LRRK2: variants seen among roughly 807,000 people sequenced by gnomAD.
LRRK2 encodes the protein leucine-rich repeat serine/threonine-protein kinase 2.
LRRK2 carries 203 observed loss-of-function variants against 302.6 expected under a neutral mutation model. That is an observed-to-expected ratio of 0.67 (90% confidence interval 0.60 to 0.75). The LOEUF (loss-of-function observed/expected upper bound fraction) is 0.75. LRRK2 is among the 30% of genes least tolerant of loss of function. The probability of loss-of-function intolerance (pLI) is 0.00; values close to 1 mark genes in which losing one functional copy is unlikely to be tolerated. For synonymous variants in LRRK2, 1,066 were observed against 1,031.9 expected (o/e 1.03, Z -0.63); for missense variants, 2,830 against 2,951.0 (o/e 0.96, Z 0.95).
At chr12:40,239,475 A>C (rs1031852123) in intron 5 of LRRK2, among the ~76,000 whole-genome samples, 1 of 152,194 alleles carries the variant, frequency 6.6e-6, no homozygotes, top group African/African-American at 2.4e-5. Context: ...GGCTAGCATC[A>C]CTTTATCACC....
intron 13 of LRRK2, 50 bp from the exon 14 acceptor site, chr12:40,263,739 C>T: frequency 7.4e-7 from 1 of 1,356,554 alleles, no homozygotes; most frequent in Non-Finnish European, 1.1e-6. Context: ...CTGTTCAACT[C>T]AAATGTTTAT....
At chr12:40,250,546 G>A (rs1001384200) in intron 8 of LRRK2, among the ~76,000 whole-genome samples, 3 of 152,164 alleles carry the variant, frequency 2.0e-5, no homozygotes, top group African/African-American at 7.2e-5. Flanking sequence ...AGGATGTGCA[G>A]GTTTTTCACA....
intron 33 of LRRK2, among the ~76,000 whole-genome samples, 200 bp downstream of exon 33, chr12:40,315,500 A>T (rs1049843602): frequency 7.9e-5 from 12 of 152,054 alleles, no homozygotes; most frequent in Admixed American, 4.6e-4. Flanking sequence ...GTTCACTTCC[A>T]TGACTTGGTT....
At chr12:40,327,022 A>C (rs553241365) in intron 38 of LRRK2, among the ~76,000 whole-genome samples, 180 of 152,358 alleles carry the variant, frequency 1.2e-3, no homozygotes, top group Non-Finnish European at 2.1e-3. Context: ...TAATTTCACC[A>C]CTTGAAAATT....
intron 2 of LRRK2, 87 bp from the exon 3 acceptor site, chr12:40,232,187 A>T: frequency 3.2e-6 from 3 of 927,730 alleles, no homozygotes; most frequent in Non-Finnish European, 3.6e-6. Flanking sequence ...CATCTATTCC[A>T]CTAAGATTGA....
chr12:40,245,289 G>A (rs1042153670), intron 7 of LRRK2, among the ~76,000 whole-genome samples: 2 of 151,898 alleles, frequency 1.3e-5, no homozygotes, highest in African/African-American at 4.8e-5. Flanking sequence ...TACCATCACA[G>A]CACAATTTAT....
intron 14 of LRRK2, among the ~76,000 whole-genome samples, chr12:40,266,163 A>C (rs1478596396): frequency 2.0e-5 from 3 of 152,168 alleles, no homozygotes; most frequent in Admixed American, 6.5e-5. Flanking sequence ...GGATCTAATT[A>C]AACTAAAGAG....
At chr12:40,349,955 C>T (rs201760414) in intron 43 of LRRK2, among the ~76,000 whole-genome samples, 1 of 152,212 alleles carries the variant, frequency 6.6e-6, no homozygotes, top group East Asian at 1.9e-4. Flanking sequence ...CAGTTCATGG[C>T]TTGAGATTTG....
intron 10 of LRRK2, 60 bp downstream of exon 10, chr12:40,251,604 T>C: frequency 7.6e-7 from 1 of 1,324,000 alleles, no homozygotes; most frequent in Non-Finnish European, 1.1e-6. Context: ...TCAATACCTA[T>C]AAAATACCTT....
At chr12:40,250,066 C>A in intron 8 of LRRK2, 121 bp downstream of exon 8, 1 of 1,237,178 alleles carries the variant, frequency 8.1e-7, no homozygotes, top group Non-Finnish European at 1.2e-6. Context: ...TCCTGTGTAG[C>A]TCATTTTCCA....
chr12:40,335,030 C>A lies in LRRK2; in HGVS notation c.5821C>A (p.Arg1941Ser). Reference protein sequence around the residue: ...SLISLLAAGIRPRMLVMELAS... With the variant: ...SLISLLAAGISPRMLVMELAS... ...GATATCTTTGCTGGCAGCTGGGATT[C>A]GTCCCCGGATGTTGGTGATGGAGTT... The change falls in exon 40 of 51, where the codon CGT becomes AGT. Residue 1941 changes from arginine to serine, a missense_variant. Coordinates refer to ENST00000298910, the MANE Select transcript of LRRK2 (RefSeq NM_198578.4). The A allele has an allele frequency of 6.2e-7, 1 of 1,614,126 alleles. No individual in the cohort carries two copies. Among genetic ancestry groups the A allele is most frequent in the Non-Finnish European group, 8.5e-7 (1 of 1,179,992 alleles).
chr12:40,341,695 C>T (rs974271879), intron 41 of LRRK2, among the ~76,000 whole-genome samples: 23 of 152,112 alleles, frequency 1.5e-4, no homozygotes, highest in Admixed American at 5.2e-4. Flanking sequence ...AACTGAGGCT[C>T]AGGGAGATTA....
intron 25 of LRRK2, chr12:40,300,806 G>A: frequency 2.1e-6 from 1 of 471,106 alleles, no homozygotes; most frequent in Non-Finnish European, 4.4e-6. Flanking sequence ...TGCCTTCTGT[G>A]GAAAAGTTTC....
At chr12:40,303,632 G>A (rs10784498) in intron 26 of LRRK2, among the ~76,000 whole-genome samples, 64,806 of 151,772 alleles carry the variant, frequency 0.43, 14,872 homozygotes, top group African/African-American at 0.59. Flanking sequence ...GCTAAATTAC[G>A]TCTAGCTTTA....
chr12:40,233,496 C>T (rs1365385641), intron 3 of LRRK2, among the ~76,000 whole-genome samples: 1 of 152,068 alleles, frequency 6.6e-6, no homozygotes, highest in Non-Finnish European at 1.5e-5. Context: ...ATGTGTTGCT[C>T]TTCTTGTTTT....
At chr12:40,333,027 A>C (rs986701381) in intron 39 of LRRK2, among the ~76,000 whole-genome samples, 2 of 151,744 alleles carry the variant, frequency 1.3e-5, no homozygotes, top group African/African-American at 4.8e-5. Flanking sequence ...TCATTCTACC[A>C]GTAGTCATGG....
intron 18 of LRRK2, among the ~76,000 whole-genome samples, chr12:40,278,641 C>A (rs1378676416): frequency 6.6e-6 from 1 of 152,108 alleles, no homozygotes; most frequent in Non-Finnish European, 1.5e-5. Context: ...CTAGAAAGTT[C>A]TCCCCTGAGG....
At position 40,225,561 on chromosome 12, in the gene LRRK2, A is replaced by T. The variant is rs202157354; in HGVS notation, c.158A>T (p.Lys53Met). 8 of 1,613,952 alleles carry T rather than the reference A, an allele frequency of 5.0e-6. No individual in the cohort carries two copies. In the South Asian group the frequency reaches 5.5e-5, roughly 11 times the overall value. The part of the protein sequence containing the change: ...LVFTYSERAS[K>M]LFQGKNIHVP... ...CCACCCACTTGTTTTCCAGCCTCCA[A>T]GTTATTTCAAGGCAAAAATATCCAT... is the stretch of plus-strand genomic sequence containing the variant. Residue 53 changes from lysine to methionine, a missense_variant, in exon 2 of 51, where the codon AAG becomes ATG. This residue lies in a region of LRRK2 where 2,121 missense variants were observed against 2,148.0 expected (regional missense o/e 0.99). Coordinates refer to ENST00000298910, the MANE Select transcript of LRRK2 (RefSeq NM_198578.4).
intron 11 of LRRK2, among the ~76,000 whole-genome samples, chr12:40,256,636 A>G (rs1230168387): frequency 6.6e-6 from 1 of 152,232 alleles, no homozygotes; most frequent in Non-Finnish European, 1.5e-5. Context: ...TCATTTGTAT[A>G]TGATGGCATA....
Sources: allele counts gnomAD v4.1 joint callset (sites outside exome capture counted in the v4.1 genomes callset), GRCh38; gene constraint gnomAD v4.1.1; regional missense constraint gnomAD v4.1.1; transcripts MANE v1.5; gene names NCBI Gene and HGNC (gene_info 2026-07-23, HGNC 2026-07-21).